PPFIBP2: variants seen among roughly 807,000 people sequenced by gnomAD.
PPFIBP2 encodes the protein PPFIB scaffold protein 2, also known as liprin-beta-2.
Under a neutral mutation model 118.3 loss-of-function variants are expected in PPFIBP2, and 118 were observed. The observed-to-expected ratio is 1.00, with a 90% CI of 0.86 to 1.16. The LOEUF (loss-of-function observed/expected upper bound fraction) is 1.16, where lower values mean the gene tolerates loss of function less well. PPFIBP2 is among the 50% of genes most tolerant of loss of function. PPFIBP2 has a pLI of 0.00. For synonymous variants in PPFIBP2, 414 were observed against 397.4 expected, an observed-to-expected ratio of 1.04 and a Z score of -0.50; for missense variants, 1,195 against 1,073.1, an observed-to-expected ratio of 1.11 and a Z score of -1.59.
intron 8 of PPFIBP2, among the ~76,000 whole-genome samples, chr11:7,626,914 G>C (rs1263890286): frequency 1.3e-5 from 2 of 152,238 alleles, no homozygotes; most frequent in Non-Finnish European, 2.9e-5. Context: ...AAGGAAATTA[G>C]TGATCAATGT....
intron 1 of PPFIBP2, among the ~76,000 whole-genome samples, chr11:7,520,061 A>G (rs182201627): frequency 4.6e-5 from 7 of 152,286 alleles, no homozygotes; most frequent in Admixed American, 4.6e-4. Flanking sequence ...AGGTTTCGGC[A>G]CCAGATGAAA....
At chr11:7,615,863 T>C (rs1848579300) in intron 6 of PPFIBP2, among the ~76,000 whole-genome samples, 1 of 152,126 alleles carries the variant, frequency 6.6e-6, no homozygotes, top group South Asian at 2.1e-4. Context: ...ACTCTGACAA[T>C]TTAAAAATAA....
chr11:7,661,472 T>G (rs1463353263), downstream of PPFIBP2, among the ~76,000 whole-genome samples: 1 of 150,786 alleles, frequency 6.6e-6, no homozygotes, highest in African/African-American at 2.4e-5. Context: ...GTGAGATTCT[T>G]AATCCTGAGT....
At chr11:7,641,090 T>A (rs1425818173) in intron 15 of PPFIBP2, 2 of 1,259,682 alleles carry the variant, frequency 1.6e-6, no homozygotes, top group African/African-American at 3.1e-5. Context: ...CCAGGTGAGG[T>A]GGAGAGTGAG....
At position 7,622,927 on chromosome 11, in the gene PPFIBP2, A is replaced by G. The variant is rs561998035; in HGVS notation, c.711+1900A>G. ...TTGTCTTGGCATGTAGACCTTTGAG[A>G]TGCTAAGGGTTATTTAATAACTACC... On this transcript the variant is annotated intron_variant, in intron 7 of 23. Coordinates refer to ENST00000299492, the MANE Select transcript of PPFIBP2 (RefSeq NM_003621.5). Among the ~76,000 whole-genome samples the G allele has an allele frequency of 3.3e-3, 509 of 152,320 alleles. 1 individual carries two copies. Among genetic ancestry groups the G allele is most frequent in the Middle Eastern group, 6.8e-3 (2 of 294 alleles).
At chr11:7,635,507 G>A in intron 13 of PPFIBP2, 45 bp from the exon 14 acceptor site, 1 of 1,558,706 alleles carries the variant, frequency 6.4e-7, no homozygotes, top group Non-Finnish European at 8.8e-7. Context: ...AATAACACAA[G>A]TCTCTTTTTC....
chr11:7,519,023 G>C (rs917773462), intron 1 of PPFIBP2, among the ~76,000 whole-genome samples: 1 of 152,172 alleles, frequency 6.6e-6, no homozygotes, highest in African/African-American at 2.4e-5. Flanking sequence ...AGTGAGGAAG[G>C]AGAATGAGTA....
At chr11:7,534,898 G>A (rs951497383) in intron 1 of PPFIBP2, among the ~76,000 whole-genome samples, 11 of 152,192 alleles carry the variant, frequency 7.2e-5, no homozygotes, top group African/African-American at 2.4e-4. Flanking sequence ...AGCATCATCC[G>A]CAGGTTGCTG....
At chr11:7,657,663 G>C (rs1014646011), downstream of PPFIBP2, among the ~76,000 whole-genome samples, 2 of 152,076 alleles carry the variant, frequency 1.3e-5, no homozygotes, top group Admixed American at 1.3e-4. Flanking sequence ...GTCTGCTCAG[G>C]CCCTTCCCTC....
At chr11:7,662,048 C>G (rs28775425), downstream of PPFIBP2, among the ~76,000 whole-genome samples, 7,601 of 141,122 alleles carry the variant, frequency 0.054, 229 homozygotes, top group Middle Eastern at 0.079. Flanking sequence ...TGTCTCTGCA[C>G]GTGAGATGGG....
chr11:7,560,374 A>G (rs751570699), intron 2 of PPFIBP2, among the ~76,000 whole-genome samples: 2 of 152,224 alleles, frequency 1.3e-5, no homozygotes, highest in Admixed American at 6.5e-5. Context: ...AGTAATGAAA[A>G]TTAATATTGT....
At chr11:7,653,800 C>T (rs1854423256), downstream of PPFIBP2, 3 of 1,194,140 alleles carry the variant, frequency 2.5e-6, no homozygotes, top group African/African-American at 4.8e-5. Context: ...GGAAAAAGAG[C>T]TGAGGGTAGC....
intron 20 of PPFIBP2, 86 bp from the exon 21 acceptor site, chr11:7,649,446 T>C: frequency 1.3e-6 from 2 of 1,549,800 alleles, no homozygotes; most frequent in Non-Finnish European, 8.8e-7. Context: ...GTGGTTGACT[T>C]GTCTATGCTT....
At chr11:7,520,229 C>G (rs1849623677) in intron 1 of PPFIBP2, among the ~76,000 whole-genome samples, 1 of 152,188 alleles carries the variant, frequency 6.6e-6, no homozygotes, top group Non-Finnish European at 1.5e-5. Flanking sequence ...TTACAGTCTC[C>G]TGTAAACAAG....
At chr11:7,525,530 C>A (rs540601638) in intron 1 of PPFIBP2, among the ~76,000 whole-genome samples, 1 of 152,096 alleles carries the variant, frequency 6.6e-6, no homozygotes, top group Non-Finnish European at 1.5e-5. Context: ...ACCATGGTGG[C>A]GGTGAGCAGA....
At chr11:7,562,423 A>G (rs1381485181) in intron 2 of PPFIBP2, among the ~76,000 whole-genome samples, 1 of 152,222 alleles carries the variant, frequency 6.6e-6, no homozygotes, top group Non-Finnish European at 1.5e-5. Flanking sequence ...GCCTGATACA[A>G]TAAAGCAGAA....
intron 2 of PPFIBP2, among the ~76,000 whole-genome samples, chr11:7,559,097 T>C (rs971393863): frequency 1.3e-4 from 20 of 152,210 alleles, no homozygotes; most frequent in African/African-American, 4.1e-4. Flanking sequence ...GCATTGAAAG[T>C]TGAAAATATT....
chr11:7,657,009 C>G (rs561109742), downstream of PPFIBP2: 42 of 355,182 alleles, frequency 1.2e-4, no homozygotes, highest in Non-Finnish European at 1.8e-4. Flanking sequence ...ATGCTGCGCT[C>G]TTCACCGCAG....
At chr11:7,605,727 A>G in intron 5 of PPFIBP2, 1 of 1,348,674 alleles carries the variant, frequency 7.4e-7, no homozygotes, top group Non-Finnish European at 9.5e-7. Flanking sequence ...CTAAGTAACT[A>G]GTGGCCGCAG....
Sources: allele counts gnomAD v4.1 joint callset (sites outside exome capture counted in the v4.1 genomes callset), GRCh38; gene constraint gnomAD v4.1.1; transcripts MANE v1.5; gene names NCBI Gene and HGNC (gene_info 2026-07-23, HGNC 2026-07-21).